The following TCERG1L variants were observed in gnomAD, a reference collection of about 807,000 sequenced individuals.
The protein encoded by TCERG1L is transcription elongation regulator 1 like, also known as transcription elongation regulator 1-like protein.
Under a neutral mutation model 56.3 loss-of-function variants are expected in TCERG1L, and 37 were observed. The ratio of observed to expected loss-of-function variants is 0.66; its 90% CI spans 0.51 to 0.87. The LOEUF is 0.87. Among genes scored for constraint, TCERG1L ranks in the 40% least tolerant of loss-of-function variants. The pLI, the probability that TCERG1L is intolerant of heterozygous loss-of-function variation, is 0.00. For synonymous variants in TCERG1L, 324 were observed against 326.3 expected, an observed-to-expected ratio of 0.99 and a Z score of 0.08; for missense variants, 799 against 774.2, an observed-to-expected ratio of 1.03 and a Z score of -0.38.
chr10:131,115,415 A>G (rs1845448114), intron 9 of TCERG1L, among the ~76,000 whole-genome samples: 2 of 92,600 alleles, frequency 2.2e-5, no homozygotes, highest in South Asian at 8.7e-4. Flanking sequence ...CTTGTTTTCA[A>G]ACAAAATTTG....
At chr10:131,293,684 A>C (rs1229794469) in intron 3 of TCERG1L, among the ~76,000 whole-genome samples, 1 of 152,126 alleles carries the variant, frequency 6.6e-6, no homozygotes, top group Non-Finnish European at 1.5e-5. Flanking sequence ...CGTGCTCCTG[A>C]CCGAAATCCA....
At chr10:131,153,544 C>T (rs1288131627) in intron 6 of TCERG1L, among the ~76,000 whole-genome samples, 1 of 152,182 alleles carries the variant, frequency 6.6e-6, no homozygotes, top group Non-Finnish European at 1.5e-5. Context: ...AGCTGGCCTC[C>T]AAGCTTTGCT....
At chr10:131,263,637 T>C (rs1271820007) in intron 3 of TCERG1L, among the ~76,000 whole-genome samples, 1 of 152,234 alleles carries the variant, frequency 6.6e-6, no homozygotes, top group East Asian at 1.9e-4. Context: ...GCTGTTCTGA[T>C]AGATAACGAC....
At chr10:131,177,939 A>T (rs1336232573) in intron 4 of TCERG1L, among the ~76,000 whole-genome samples, 1 of 151,476 alleles carries the variant, frequency 6.6e-6, no homozygotes, top group Non-Finnish European at 1.5e-5. Flanking sequence ...CTGTAGTTTC[A>T]AGTCTGTTTC....
intron 9 of TCERG1L, 128 bp downstream of exon 9, chr10:131,116,671 G>A: frequency 7.7e-7 from 1 of 1,306,588 alleles, no homozygotes; most frequent in Non-Finnish European, 1.1e-6. Context: ...TCATCTCTCA[G>A]GCCAGGACAG....
rs751644903 is a variant in TCERG1L at position 131,225,443 on chromosome 10, C to A, written c.856+34816G>T. On this transcript the variant is annotated intron_variant, in intron 4 of 11. Coordinates refer to ENST00000368642, the MANE Select transcript of TCERG1L (RefSeq NM_174937.4). ...ACCTGAGAAGGGAGGAGGACAGAGG[C>A]GTTTCTCATTTCTAAAATCCAAAGG... Among the ~76,000 whole-genome samples the A allele has an allele frequency of 2.0e-5, 3 of 152,242 alleles. No individual in the cohort carries two copies. In the East Asian group the frequency reaches 5.8e-4, roughly 29 times the overall value.
At chr10:131,302,228 G>C (rs944934443) in intron 3 of TCERG1L, among the ~76,000 whole-genome samples, 14 of 151,974 alleles carry the variant, frequency 9.2e-5, no homozygotes, top group Admixed American at 9.2e-4. Context: ...CAACTTCTGT[G>C]TTCTTTTAAG....
intron 4 of TCERG1L, among the ~76,000 whole-genome samples, chr10:131,223,240 C>T (rs1222632650): frequency 6.6e-6 from 1 of 152,216 alleles, no homozygotes; most frequent in East Asian, 1.9e-4. Context: ...GAACTGGGTG[C>T]CTCTCTTCCT....
intron 4 of TCERG1L, among the ~76,000 whole-genome samples, chr10:131,224,470 C>G (rs1297934472): frequency 6.6e-6 from 1 of 152,190 alleles, no homozygotes; most frequent in African/African-American, 2.4e-5. Flanking sequence ...GGCTCTAGGA[C>G]CCAGGGAGTC....
At chr10:131,146,458 C>T (rs1451726598) in intron 7 of TCERG1L, 48 bp downstream of exon 7, 1 of 1,460,424 alleles carries the variant, frequency 6.8e-7, no homozygotes, top group African/African-American at 1.4e-5. Flanking sequence ...TAGAAATAAG[C>T]AGCTTAAACA....
At chr10:131,200,902 G>A in intron 4 of TCERG1L, among the ~76,000 whole-genome samples, 1 of 152,136 alleles carries the variant, frequency 6.6e-6, no homozygotes, top group East Asian at 1.9e-4. Context: ...CAAAGGGGAT[G>A]GAGGCCCTTA....
At chr10:131,305,517 C>G (rs1183230058) in intron 3 of TCERG1L, among the ~76,000 whole-genome samples, 1 of 152,084 alleles carries the variant, frequency 6.6e-6, no homozygotes, top group African/African-American at 2.4e-5. Flanking sequence ...CCAGTTCATT[C>G]AAACAAACCT....
At chr10:131,102,725 G>A (rs899504040) in intron 10 of TCERG1L, among the ~76,000 whole-genome samples, 4 of 152,078 alleles carry the variant, frequency 2.6e-5, no homozygotes, top group Admixed American at 6.5e-5. Flanking sequence ...AGACGTGACC[G>A]CACACATGGA....
intron 3 of TCERG1L, among the ~76,000 whole-genome samples, chr10:131,303,133 G>A (rs545705880): frequency 6.6e-6 from 1 of 151,992 alleles, no homozygotes; most frequent in African/African-American, 2.4e-5. Context: ...AATCCTCTGG[G>A]TATATACCCA....
At chr10:131,170,873 C>T (rs1222922215) in intron 4 of TCERG1L, among the ~76,000 whole-genome samples, 5 of 152,122 alleles carry the variant, frequency 3.3e-5, no homozygotes, top group East Asian at 1.9e-4. Context: ...GGCGGCCGGG[C>T]GCCGTGGCTC....
intron 4 of TCERG1L, among the ~76,000 whole-genome samples, chr10:131,222,743 T>C (rs1845747611): frequency 6.6e-6 from 1 of 152,196 alleles, no homozygotes; most frequent in Admixed American, 6.5e-5. Context: ...CATGCCTGTC[T>C]GGCCCCTTCC....
chr10:131,103,481 A>G lies in TCERG1L; in HGVS notation c.1485+784T>C, dbSNP rs1256553539. Among the ~76,000 whole-genome samples, 1 of 152,174 alleles carries G rather than the reference A, an allele frequency of 6.6e-6. No homozygotes were observed. Among genetic ancestry groups the G allele is most frequent in the Non-Finnish European group, 1.5e-5 (1 of 68,030 alleles). ...CAAGGTGGAAGGATTGCTTGAGCCT[A>G]GGAGTTCAAGATGAGCCTGGGGAAT... On this transcript the variant is annotated intron_variant, in intron 10 of 11. Coordinates refer to ENST00000368642, the MANE Select transcript of TCERG1L (RefSeq NM_174937.4). This position sits in a 1 kb window ranked among gnomAD's most constrained non-coding sequence, Gnocchi z 4.3.
At chr10:131,243,985 G>A (rs1192504253) in intron 4 of TCERG1L, among the ~76,000 whole-genome samples, 1 of 152,216 alleles carries the variant, frequency 6.6e-6, no homozygotes, top group Non-Finnish European at 1.5e-5. Flanking sequence ...TCCCACAAAA[G>A]CTAAGGTTTC....
chr10:131,130,919 A>C (rs960732127), intron 8 of TCERG1L, among the ~76,000 whole-genome samples: 4 of 152,072 alleles, frequency 2.6e-5, no homozygotes, highest in Non-Finnish European at 5.9e-5. Context: ...ACCCCCCGGC[A>C]AACCCTAATG....
Sources: gnomAD v4.1 joint callset for allele counts (sites outside exome capture counted in the v4.1 genomes callset) on GRCh38, gnomAD v4.1.1 for gene constraint, Gnocchi (gnomAD v3.1) non-coding constraint, MANE v1.5 for transcripts, NCBI Gene and HGNC (gene_info 2026-07-23, HGNC 2026-07-21) for gene names.